CAMK1D: variants seen among roughly 807,000 people sequenced by gnomAD.
The protein encoded by CAMK1D is calcium/calmodulin dependent protein kinase ID, also known as calcium/calmodulin-dependent protein kinase type 1D.
In CAMK1D, 9 loss-of-function variants were observed where a neutral mutation model predicts 47.7. That is an observed-to-expected ratio of 0.19 (90% CI 0.11 to 0.33). CAMK1D has a LOEUF of 0.33. Among genes scored for constraint, CAMK1D ranks in the 10% least tolerant of loss-of-function variants. CAMK1D has a pLI of 1.00. For synonymous variants in CAMK1D, 184 were observed against 184.9 expected (o/e 0.99, Z 0.04); for missense variants, 291 against 488.7 (o/e 0.60, Z 3.81).
chr10:12,528,106 T>C (rs1470332462), intron 1 of CAMK1D, among the ~76,000 whole-genome samples: 1 of 152,248 alleles, frequency 6.6e-6, no homozygotes, highest in Admixed American at 6.5e-5. Context: ...AGGTGGGTAG[T>C]GTTAGTCCCA....
intron 1 of CAMK1D, among the ~76,000 whole-genome samples, chr10:12,506,910 C>T (rs1188964497): frequency 6.6e-6 from 1 of 152,132 alleles, no homozygotes; most frequent in Non-Finnish European, 1.5e-5. Context: ...TAGTTCCTAG[C>T]GTGATGCTCC....
intron 3 of CAMK1D, among the ~76,000 whole-genome samples, chr10:12,686,054 G>A (rs918479781): frequency 6.6e-6 from 1 of 152,188 alleles, no homozygotes; most frequent in Admixed American, 6.5e-5. Flanking sequence ...GCTACAGTGA[G>A]AGCCTTGAAA....
At chr10:12,459,234 A>G (rs1833352192) in intron 1 of CAMK1D, among the ~76,000 whole-genome samples, 1 of 152,212 alleles carries the variant, frequency 6.6e-6, no homozygotes. Flanking sequence ...CAAATAAAAA[A>G]AACCACGTTA....
At chr10:12,489,430 A>G (rs907036301) in intron 1 of CAMK1D, among the ~76,000 whole-genome samples, 1 of 152,218 alleles carries the variant, frequency 6.6e-6, no homozygotes, top group Non-Finnish European at 1.5e-5. Flanking sequence ...TTGAAGAAAA[A>G]TAAAGACTAA....
intron 6 of CAMK1D, among the ~76,000 whole-genome samples, chr10:12,797,530 C>T (rs1353321492): frequency 6.6e-6 from 1 of 152,034 alleles, no homozygotes. Context: ...TCTTATGAAC[C>T]CTCCTTTCTT....
At chr10:12,726,131 A>G (rs1218561934) in intron 3 of CAMK1D, among the ~76,000 whole-genome samples, 3 of 151,954 alleles carry the variant, frequency 2.0e-5, no homozygotes, top group African/African-American at 7.2e-5. Flanking sequence ...GTAATGTTAC[A>G]AAGGGAATAC....
intron 2 of CAMK1D, among the ~76,000 whole-genome samples, chr10:12,648,697 C>T (rs377043751): frequency 6.6e-6 from 1 of 152,224 alleles, no homozygotes; most frequent in East Asian, 1.9e-4. Flanking sequence ...TCTTGAACTC[C>T]TGACCTCAGG....
intron 3 of CAMK1D, among the ~76,000 whole-genome samples, chr10:12,729,904 A>G (rs1834815783): frequency 6.7e-6 from 1 of 149,494 alleles, no homozygotes; most frequent in Admixed American, 6.8e-5. Flanking sequence ...AGACAGAAAT[A>G]GGGGTTGAGA....
intron 1 of CAMK1D, among the ~76,000 whole-genome samples, chr10:12,426,721 G>T (rs929594780): frequency 1.3e-5 from 2 of 151,786 alleles, no homozygotes; most frequent in African/African-American, 4.8e-5. Context: ...GCTAATTTTT[G>T]TTGTTGTTGT....
intron 8 of CAMK1D, among the ~76,000 whole-genome samples, chr10:12,823,939 G>C (rs915966075): frequency 5.3e-5 from 8 of 152,096 alleles, no homozygotes; most frequent in African/African-American, 1.9e-4. Flanking sequence ...TGTGAGTGGT[G>C]CCCTGGGAGC....
At chr10:12,591,256 AT>A (rs1168059782) in intron 2 of CAMK1D, among the ~76,000 whole-genome samples, 1 of 152,204 alleles carries the variant, frequency 6.6e-6, no homozygotes, top group Non-Finnish European at 1.5e-5. Flanking sequence ...AAACCAACCA[AT>A]AACCCCTGTA....
Position 12,715,133 on chromosome 10 carries a change from C to G in CAMK1D, c.300-45815C>G, listed in dbSNP as rs554733949. Among the ~76,000 whole-genome samples, 5 of 152,316 alleles carry G rather than the reference C, an allele frequency of 3.3e-5. No individual in the cohort carries two copies. In the South Asian group the frequency reaches 1.0e-3, roughly 32 times the overall value. ...CACCCTTCCAGCCTCTGGTATCTAT[C>G]ATTCTACTCTCTACCTCCTTGAGAT... is the stretch of plus-strand genomic sequence containing the variant. On this transcript the variant is annotated intron_variant, in intron 3 of 10. Coordinates refer to ENST00000619168, the MANE Select transcript of CAMK1D (RefSeq NM_153498.4).
chr10:12,637,942 G>A (rs1839556277), intron 2 of CAMK1D, among the ~76,000 whole-genome samples: 1 of 152,180 alleles, frequency 6.6e-6, no homozygotes. Context: ...GTCCAGCCTT[G>A]TAGCCTCATC....
chr10:12,508,960 C>G (rs1221831150), intron 1 of CAMK1D, among the ~76,000 whole-genome samples: 1 of 152,226 alleles, frequency 6.6e-6, no homozygotes, highest in Non-Finnish European at 1.5e-5. Flanking sequence ...TCCGTTTGTC[C>G]TGTTCATTGA....
chr10:12,748,092 G>T (rs930232004), intron 3 of CAMK1D, among the ~76,000 whole-genome samples: 1 of 152,222 alleles, frequency 6.6e-6, no homozygotes, highest in African/African-American at 2.4e-5. Flanking sequence ...GCGAAGGGAT[G>T]CTAAGAAGCC....
At chr10:12,793,169 G>A (rs1173398149) in intron 6 of CAMK1D, among the ~76,000 whole-genome samples, 1 of 152,068 alleles carries the variant, frequency 6.6e-6, no homozygotes, top group African/African-American at 2.4e-5. Context: ...TGCTAGGCCA[G>A]GCCTCTTCCT....
chr10:12,650,958 G>A (rs1839943777), intron 2 of CAMK1D, among the ~76,000 whole-genome samples: 1 of 152,046 alleles, frequency 6.6e-6, no homozygotes, highest in Non-Finnish European at 1.5e-5. Context: ...CCCCAGATTC[G>A]AGTTCGCTTC....
chr10:12,771,285 T>C (rs374507170), intron 5 of CAMK1D, among the ~76,000 whole-genome samples: 5 of 152,158 alleles, frequency 3.3e-5, no homozygotes, highest in Admixed American at 1.3e-4. Context: ...AGAATAGCCA[T>C]TGAGCCCACC....
chr10:12,560,554 G>GAA (rs1564412321), intron 2 of CAMK1D, among the ~76,000 whole-genome samples: 4 of 89,028 alleles, frequency 4.5e-5, no homozygotes, highest in Non-Finnish European at 9.0e-5. Flanking sequence ...ACTCTATCTC[G>GAA]GAAAAAAAAA....
Sources: gnomAD v4.1 joint callset for allele counts (sites outside exome capture counted in the v4.1 genomes callset) on GRCh38, gnomAD v4.1.1 for gene constraint, MANE v1.5 for transcripts, NCBI Gene and HGNC (gene_info 2026-07-23, HGNC 2026-07-21) for gene names.